The following AK8 variants were observed in gnomAD, a reference collection of about 807,000 sequenced individuals.
The protein encoded by AK8 is adenylate kinase 8.
AK8 carries 44 observed loss-of-function variants against 54.6 expected under a neutral mutation model. The observed-to-expected ratio is 0.81, with a 90% CI of 0.63 to 1.04. AK8 has a LOEUF of 1.04. Among genes scored for constraint, AK8 ranks in the 50% least tolerant of loss-of-function variants. The pLI is 0.00. For missense variants in AK8, 555 were observed against 613.6 expected, an observed-to-expected ratio of 0.90 and a Z score of 1.01; for synonymous variants, 239 against 245.6, an observed-to-expected ratio of 0.97 and a Z score of 0.25.
chr9:132,856,629 G>A (rs1220996426), intron 4 of AK8, among the ~76,000 whole-genome samples: 1 of 152,084 alleles, frequency 6.6e-6, no homozygotes, highest in African/African-American at 2.4e-5. Flanking sequence ...TTGATTCAGA[G>A]GCTGCCTGGG....
rs1204487082 is a variant in AK8 at position 132,878,235 on chromosome 9, C to CG, written c.20dup (p.His8AlafsTer45). 106 of 1,433,670 alleles carry CG rather than the reference C, an allele frequency of 7.4e-5. No individual in the cohort carries two copies. The highest frequency in any genetic ancestry group is 9.5e-5 in the Non-Finnish European group (103 of 1,088,384). 88.8% of individuals were successfully genotyped at this position (1,433,670 alleles called of 1,614,324 possible). A position where few individuals can be genotyped will look rare whatever the true frequency, so the allele number is the denominator to read the frequency against. On this transcript the variant is annotated frameshift_variant, in exon 1 of 13. Coordinates refer to ENST00000298545, the MANE Select transcript of AK8 (RefSeq NM_152572.3). LOFTEE classifies it high-confidence loss of function. This position sits in a 1 kb window ranked among gnomAD's most constrained non-coding sequence, Gnocchi z 4.7. ...GGGGCATCTCGGGGGGGATACGGTG[C>CG]GGGGCGATAGTGGCGTCCATGTAGC...
At chr9:132,835,301 C>T (rs1270094125) in intron 5 of AK8, among the ~76,000 whole-genome samples, 1 of 152,238 alleles carries the variant, frequency 6.6e-6, no homozygotes, top group Non-Finnish European at 1.5e-5. Flanking sequence ...TCCCCAGATG[C>T]ACCAGTCTAC....
intron 10 of AK8, among the ~76,000 whole-genome samples, chr9:132,795,891 T>C (rs1427957105): frequency 6.6e-6 from 1 of 152,210 alleles, no homozygotes; most frequent in Non-Finnish European, 1.5e-5. Flanking sequence ...ATCCCGCTAA[T>C]AATCCAGGCC....
intron 9 of AK8, among the ~76,000 whole-genome samples, chr9:132,817,438 C>A (rs908286073): frequency 1.3e-5 from 2 of 152,074 alleles, no homozygotes; most frequent in East Asian, 1.9e-4. Flanking sequence ...AATCAGCACA[C>A]CAGGACTTTA....
chr9:132,733,245 G>A (rs978366668), intron 11 of AK8, among the ~76,000 whole-genome samples: 5 of 151,722 alleles, frequency 3.3e-5, no homozygotes, highest in African/African-American at 4.8e-5. Flanking sequence ...ATGCGAGATC[G>A]GGGAGTGTGT....
rs369743727 is a variant in AK8 at position 132,790,327 on chromosome 9, T to C, written c.1121+2307A>G. On this transcript the variant is annotated intron_variant, in intron 11 of 12. Transcript: ENST00000298545. The surrounding 1 kb of genome is among the most constrained non-coding windows in gnomAD (Gnocchi z 4.1). ...GCGCAGTGGCGTGATCTCAGCTCACTGCAAACTCCGCCTCCTGGGTTCACA... is the reference window on the plus strand; with the variant it reads ...GCGCAGTGGCGTGATCTCAGCTCACCGCAAACTCCGCCTCCTGGGTTCACA... Among the ~76,000 whole-genome samples the C allele has an allele frequency of 3.9e-5, 6 of 152,166 alleles. No homozygotes were observed. In the South Asian group the frequency reaches 6.2e-4, roughly 16 times the overall value.
At chr9:132,877,125 G>T (rs775206530) in intron 1 of AK8, among the ~76,000 whole-genome samples, 14 of 152,168 alleles carry the variant, frequency 9.2e-5, no homozygotes, top group Non-Finnish European at 2.1e-4. Context: ...AAACACACCA[G>T]GTTCTCTAGA....
At chr9:132,828,495 T>C (rs1841974007) in intron 6 of AK8, 150 bp downstream of exon 6, 2 of 656,644 alleles carry the variant, frequency 3.0e-6, no homozygotes, top group Non-Finnish European at 5.2e-6. Flanking sequence ...TTTAGCTCTG[T>C]GAAAAATTCA....
chr9:132,871,074 C>A lies in AK8; in HGVS notation c.169+4041G>T, dbSNP rs558694111. Among the ~76,000 whole-genome samples, 3 of 152,206 alleles carry A rather than the reference C, an allele frequency of 2.0e-5. No individual in the cohort carries two copies. The South Asian group carries it at 6.2e-4, about 32-fold the overall frequency. ...CAGCCTGGCCAACATGGTGAAACCC[C>A]GTCTCTACTAAAAATACAAAAGTTA... On this transcript the variant is annotated intron_variant, in intron 2 of 12. Coordinates refer to ENST00000298545, the MANE Select transcript of AK8 (RefSeq NM_152572.3).
At chr9:132,753,271 C>T (rs984399107) in intron 11 of AK8, among the ~76,000 whole-genome samples, 1 of 152,248 alleles carries the variant, frequency 6.6e-6, no homozygotes, top group East Asian at 1.9e-4. Context: ...CATCTTGCCG[C>T]TCCACTGCCA....
intron 11 of AK8, among the ~76,000 whole-genome samples, chr9:132,756,351 G>A (rs529317847): frequency 1.6e-4 from 24 of 152,302 alleles, no homozygotes; most frequent in African/African-American, 5.1e-4. Flanking sequence ...AGCTGCTGTC[G>A]GGCCCAACTC....
At chr9:132,878,453 A>C, upstream of AK8, 1 of 1,222,230 alleles carries the variant, frequency 8.2e-7, no homozygotes, top group Non-Finnish European at 1.0e-6. This position sits in a 1 kb window ranked among gnomAD's most constrained non-coding sequence, Gnocchi z 4.7. Flanking sequence ...TCTTTCCCCA[A>C]CCCCGGCCTC....
At chr9:132,814,472 C>A (rs1247442517) in intron 10 of AK8, among the ~76,000 whole-genome samples, 166 bp downstream of exon 10, 2 of 152,024 alleles carry the variant, frequency 1.3e-5, no homozygotes, top group African/African-American at 2.4e-5. Flanking sequence ...CACCAAGAGG[C>A]CTTACCGGAA....
chr9:132,839,895 G>A (rs940784009), intron 5 of AK8, among the ~76,000 whole-genome samples: 16 of 147,342 alleles, frequency 1.1e-4, no homozygotes, highest in African/African-American at 3.8e-4. Flanking sequence ...TCGGCTCACC[G>A]CAACCTCTGC....
Position 132,768,648 on chromosome 9 carries a change from A to G in AK8, c.1121+23986T>C, listed in dbSNP as rs1838824100. Among the ~76,000 whole-genome samples, 3 of 152,242 alleles carry G rather than the reference A, an allele frequency of 2.0e-5. No individual in the cohort carries two copies. In the South Asian group the frequency reaches 6.2e-4, roughly 32 times the overall value. On this transcript the variant is annotated intron_variant, in intron 11 of 12. Coordinates refer to ENST00000298545, the MANE Select transcript of AK8 (RefSeq NM_152572.3). ...CAAGGAAATGATCAAAACATATGCA[A>G]AAACAAATACAAATGCATATGTGTG... is the stretch of plus-strand genomic sequence containing the variant.
chr9:132,806,770 C>T (rs959712997), intron 10 of AK8, among the ~76,000 whole-genome samples: 1 of 152,184 alleles, frequency 6.6e-6, no homozygotes, highest in Admixed American at 6.5e-5. Flanking sequence ...TCTGGACTCA[C>T]GGAAGGCTCT....
intron 10 of AK8, among the ~76,000 whole-genome samples, chr9:132,810,866 T>C (rs894275539): frequency 2.6e-5 from 4 of 151,906 alleles, no homozygotes; most frequent in African/African-American, 9.7e-5. Context: ...AGATAAAATA[T>C]AGAATGTAAG....
intron 5 of AK8, among the ~76,000 whole-genome samples, chr9:132,832,279 A>G (rs965392835): frequency 2.0e-5 from 3 of 152,132 alleles, no homozygotes; most frequent in Non-Finnish European, 2.9e-5. Context: ...TTCTAGAACT[A>G]ATGAAGCAAA....
intron 5 of AK8, among the ~76,000 whole-genome samples, chr9:132,841,190 C>T (rs545067330): frequency 1.4e-4 from 21 of 152,314 alleles, no homozygotes; most frequent in South Asian, 6.2e-4. Context: ...CACTGCAGCC[C>T]GAGCAGGCTG....
Sources: allele counts gnomAD v4.1 joint callset (sites outside exome capture counted in the v4.1 genomes callset), GRCh38; gene constraint gnomAD v4.1.1; non-coding constraint Gnocchi (gnomAD v3.1); transcripts MANE v1.5; gene names NCBI Gene and HGNC (gene_info 2026-07-23, HGNC 2026-07-21).